The following FARS2 variants were observed in gnomAD, a reference collection of about 807,000 sequenced individuals.
FARS2 encodes phenylalanine--tRNA ligase, mitochondrial.
FARS2 carries 40 observed loss-of-function variants against 46.4 expected under a neutral mutation model. The ratio of observed to expected loss-of-function variants is 0.86; its 90% CI spans 0.67 to 1.12. The LOEUF is 1.12. Ranked by LOEUF, FARS2 falls within the 50% of genes most tolerant of loss-of-function variation. FARS2 has a pLI of 0.00. For synonymous variants in FARS2, 234 were observed against 214.9 expected (o/e 1.09, Z -0.78); for missense variants, 513 against 567.9 (o/e 0.90, Z 0.98).
At chr6:5,252,087 T>G in the FARS2 span, among the ~76,000 whole-genome samples, 3 of 152,202 alleles carry the variant, frequency 2.0e-5, no homozygotes, top group Admixed American at 6.5e-5. Context: ...AGCACTTAGG[T>G]TGATCAGGAC....
intron 6 of FARS2, among the ~76,000 whole-genome samples, chr6:5,656,950 C>G (rs113178762): frequency 0.035 from 5,316 of 152,258 alleles, 180 homozygotes; most frequent in African/African-American, 0.094. Flanking sequence ...TGTCTTAGTG[C>G]TCCAGTGAGT....
chr6:5,706,977 G>A (rs1187723838), intron 6 of FARS2, among the ~76,000 whole-genome samples: 6 of 152,216 alleles, frequency 3.9e-5, no homozygotes, highest in African/African-American at 1.2e-4. Flanking sequence ...TCTCCAGCGC[G>A]CCTTGATGAA....
chr6:5,650,805 T>A (rs1466451427), intron 6 of FARS2, among the ~76,000 whole-genome samples: 4 of 152,110 alleles, frequency 2.6e-5, no homozygotes, highest in Admixed American at 6.5e-5. Context: ...AATAAACAAT[T>A]CCTACTGGAA....
At chr6:5,741,532 C>T (rs568238104) in intron 6 of FARS2, among the ~76,000 whole-genome samples, 8 of 152,336 alleles carry the variant, frequency 5.3e-5, no homozygotes, top group African/African-American at 1.9e-4. Context: ...ACTCCTGTAC[C>T]TTTGCTTCCA....
In FARS2 at chr6:5,764,460, G is replaced by T. The variant is rs1009368627; in HGVS notation, c.1218-6831G>T. 1.3e-5 allele frequency among the ~76,000 whole-genome samples: 2 copies of T among 152,102 alleles called. No individual in the cohort carries two copies. The highest frequency in any genetic ancestry group is 2.9e-5 in the Non-Finnish European group (2 of 68,020). ...CGCAGCCATGCACAGTGCCTCTGAC[G>T]TGGGCAGCTCCAGACTGAGCTTCTG... On this transcript the variant is annotated intron_variant, in intron 6 of 6. Transcript: ENST00000274680. This position sits in a 1 kb window ranked among gnomAD's most constrained non-coding sequence, Gnocchi z 4.1.
chr6:5,622,986 G>A (rs977237938), intron 6 of FARS2, among the ~76,000 whole-genome samples: 4 of 152,184 alleles, frequency 2.6e-5, no homozygotes, highest in Non-Finnish European at 4.4e-5. Flanking sequence ...TAGAGTCCAC[G>A]TAGTTTAGTG....
intron 6 of FARS2, among the ~76,000 whole-genome samples, chr6:5,740,520 G>C (rs930992569): frequency 6.7e-6 from 1 of 149,574 alleles, no homozygotes. Flanking sequence ...TTTCAAAAAA[G>C]CAAAATCCAT....
At chr6:5,640,601 C>T (rs1195132018) in intron 6 of FARS2, among the ~76,000 whole-genome samples, 3 of 152,194 alleles carry the variant, frequency 2.0e-5, no homozygotes, top group Non-Finnish European at 4.4e-5. Flanking sequence ...ATTGAGGCAG[C>T]GGCCACATCC....
At chr6:5,769,029 G>A (rs562757987) in intron 6 of FARS2, among the ~76,000 whole-genome samples, 1 of 151,888 alleles carries the variant, frequency 6.6e-6, no homozygotes, top group Non-Finnish European at 1.5e-5. Context: ...TGTGCTTTTG[G>A]TGTCATCTAA....
chr6:5,732,040 C>T (rs900994846), intron 6 of FARS2, among the ~76,000 whole-genome samples: 4 of 152,226 alleles, frequency 2.6e-5, no homozygotes, highest in African/African-American at 9.6e-5. Context: ...GTCACTGAGA[C>T]AGCTGTCCCC....
chr6:5,547,820 G>A (rs920545825), intron 5 of FARS2, among the ~76,000 whole-genome samples: 22 of 152,160 alleles, frequency 1.4e-4, no homozygotes, highest in Admixed American at 2.0e-4. Flanking sequence ...GCCTACTCAC[G>A]CCCCAGTGGC....
chr6:5,405,649 C>T (rs1761543641), intron 3 of FARS2, among the ~76,000 whole-genome samples: 2 of 151,876 alleles, frequency 1.3e-5, no homozygotes, highest in African/African-American at 4.8e-5. Context: ...CCCACCACCA[C>T]GCCTGGTTAA....
intron 1 of FARS2, among the ~76,000 whole-genome samples, chr6:5,367,148 T>C (rs1280677471): frequency 1.3e-5 from 2 of 152,206 alleles, no homozygotes; most frequent in African/African-American, 2.4e-5. Flanking sequence ...CAGTTCCAAT[T>C]TGGAGTCAGG....
intron 1 of FARS2, among the ~76,000 whole-genome samples, chr6:5,323,184 G>T (rs1445223046): frequency 6.6e-6 from 1 of 151,986 alleles, no homozygotes; most frequent in Non-Finnish European, 1.5e-5. Flanking sequence ...ATATTATAGG[G>T]CATATAATTT....
chr6:5,338,952 T>G (rs1296679443), intron 1 of FARS2, among the ~76,000 whole-genome samples: 1 of 152,222 alleles, frequency 6.6e-6, no homozygotes. Context: ...TGTCAAGATA[T>G]GTACAGGTAT....
intron 4 of FARS2, among the ~76,000 whole-genome samples, chr6:5,437,028 C>T (rs564866662): frequency 6.6e-6 from 1 of 152,218 alleles, no homozygotes; most frequent in East Asian, 1.9e-4. Flanking sequence ...TTTTCATTCC[C>T]AACTGTTTCT....
At chr6:5,287,882 G>A (rs1767234957) in intron 1 of FARS2, among the ~76,000 whole-genome samples, 1 of 152,056 alleles carries the variant, frequency 6.6e-6, no homozygotes, top group African/African-American at 2.4e-5. Flanking sequence ...GAAATTTAAA[G>A]CTGTTCACTC....
At chr6:5,615,162 T>G (rs1290381141) in intron 6 of FARS2, among the ~76,000 whole-genome samples, 3 of 152,216 alleles carry the variant, frequency 2.0e-5, no homozygotes, top group African/African-American at 7.2e-5. Context: ...TTAGGAAAAT[T>G]TTCTTGAATT....
intron 6 of FARS2, among the ~76,000 whole-genome samples, chr6:5,670,685 G>C (rs1778408056): frequency 6.6e-6 from 1 of 152,166 alleles, no homozygotes; most frequent in South Asian, 2.1e-4. Flanking sequence ...TTAATGGATA[G>C]AAAAACATGA....
Sources: allele counts gnomAD v4.1 joint callset (sites outside exome capture counted in the v4.1 genomes callset), GRCh38; gene constraint gnomAD v4.1.1; non-coding constraint Gnocchi (gnomAD v3.1); transcripts MANE v1.5; gene names NCBI Gene and HGNC (gene_info 2026-07-23, HGNC 2026-07-21).